The following WASF2 variants were observed in gnomAD, a reference collection of about 807,000 sequenced individuals.
The protein encoded by WASF2 is actin-binding protein WASF2.
A neutral mutation model predicts 45.0 loss-of-function variants in WASF2; 14 were observed. That is an observed-to-expected ratio of 0.31 (90% confidence interval 0.21 to 0.49). The LOEUF is 0.49. Ranked by LOEUF, WASF2 falls within the 20% of genes least tolerant of loss-of-function variation. The pLI is 0.99. For missense variants in WASF2, 439 were observed against 636.1 expected, an observed-to-expected ratio of 0.69 and a Z score of 3.33; for synonymous variants, 200 against 236.3, an observed-to-expected ratio of 0.85 and a Z score of 1.41.
intron 1 of WASF2, among the ~76,000 whole-genome samples, chr1:27,445,402 G>A (rs549997041): frequency 9.5e-4 from 144 of 152,138 alleles, no homozygotes; most frequent in Non-Finnish European, 1.6e-3. Context: ...CTGACTCTAT[G>A]CAAAACACCC....
intron 4 of WASF2, among the ~76,000 whole-genome samples, chr1:27,416,739 G>GT (rs1557597523): frequency 6.6e-6 from 1 of 152,194 alleles, no homozygotes. Flanking sequence ...GCCAGCTGTT[G>GT]TAAGACCACA....
At chr1:27,436,876 C>T (rs144764214) in intron 1 of WASF2, among the ~76,000 whole-genome samples, 19 of 152,278 alleles carry the variant, frequency 1.2e-4, no homozygotes, top group African/African-American at 4.3e-4. Flanking sequence ...AGAAAAAGGG[C>T]TTACTTGTGA....
chr1:27,445,713 C>A (rs1002712515), intron 1 of WASF2, among the ~76,000 whole-genome samples: 1 of 152,164 alleles, frequency 6.6e-6, no homozygotes, highest in Non-Finnish European at 1.5e-5. Context: ...TTTTCAAACT[C>A]CTGTTTTCAA....
intron 1 of WASF2, among the ~76,000 whole-genome samples, chr1:27,458,519 C>CG (rs1371657220): frequency 1.3e-5 from 2 of 151,910 alleles, no homozygotes; most frequent in Non-Finnish European, 2.9e-5. Context: ...AAAATTAGGT[C>CG]GGGGGCAGTG....
Position 27,428,698 on chromosome 1 carries a change from G to A in WASF2, c.130+63C>T, listed in dbSNP as rs946853276. 5.2e-5 allele frequency: 84 copies of A among 1,610,568 alleles called. 1 individual carries two copies. Among genetic ancestry groups the A allele is most frequent in the Non-Finnish European group, 6.8e-5 (80 of 1,177,322 alleles). The stretch of plus-strand genomic sequence containing the variant: ...AGAAATAGGAACGCGGGAGGAGAAG[G>A]AAACTAAATAAAGAGCACCAACGAC... On this transcript the variant is annotated intron_variant, in intron 2 of 8. Transcript: ENST00000618852.
At chr1:27,478,035 T>C (rs2017793196) in intron 1 of WASF2, among the ~76,000 whole-genome samples, 1 of 151,368 alleles carries the variant, frequency 6.6e-6, no homozygotes, top group Non-Finnish European at 1.5e-5. Flanking sequence ...GTGGATCACT[T>C]GAAACCAGGA....
At position 27,440,800 on chromosome 1, in the gene WASF2, TAAC is replaced by T. The variant is rs1203955194; in HGVS notation, c.-43-11870_-43-11868del. ...TACAAGAGAATAGTTATGTACCACA[TAAC>T]AACATTTCAGTCAATGATGGACTAT... is the stretch of plus-strand genomic sequence containing the variant. On this transcript the variant is annotated intron_variant, in intron 1 of 8. Transcript: ENST00000618852. 2.0e-5 allele frequency among the ~76,000 whole-genome samples: 3 copies of T among 152,050 alleles called. No individual in the cohort carries two copies. The East Asian group carries it at 5.8e-4, about 29-fold the overall frequency.
rs1015482477 is a variant in WASF2 at position 27,416,097 on chromosome 1, T to C, written c.425A>G (p.Asp142Gly). Residue 142 changes from aspartate (D) to glycine (G), a missense_variant, in exon 5 of 9, where the codon GAT (aspartate) becomes GGT (glycine). Physicochemically the swap from Asp to Gly is moderately conservative, Grantham distance 94. This residue lies in a region of WASF2 where 98 missense variants were observed against 120.7 expected (regional missense o/e 0.81). Transcript: ENST00000618852. ...GTAGAATTTGAGTGCCTCTTTTCCA[T>C]CGTCCCTGGGATAGAAATGAAGACA... ...PLNNLTPYRD[D>G]GKEALKFYTD... The C allele has an allele frequency of 1.2e-6, 2 of 1,613,820 alleles. No individual in the cohort carries two copies. The highest frequency in any genetic ancestry group is 1.7e-6 in the Non-Finnish European group (2 of 1,179,732).
At chr1:27,447,384 T>G (rs191891349) in intron 1 of WASF2, among the ~76,000 whole-genome samples, 1 of 152,308 alleles carries the variant, frequency 6.6e-6, no homozygotes, top group East Asian at 1.9e-4. Flanking sequence ...GAAATAGATT[T>G]TTCCCGTTCA....
chr1:27,435,215 G>A (rs764367180), intron 1 of WASF2, among the ~76,000 whole-genome samples: 7 of 152,070 alleles, frequency 4.6e-5, no homozygotes, highest in Non-Finnish European at 1.0e-4. Flanking sequence ...CAAAGTGTTG[G>A]GATTACGGGC....
At position 27,409,710 on chromosome 1, in the gene WASF2, G is replaced by T; in HGVS notation, c.1321C>A (p.Leu441Ile). The T allele has an allele frequency of 6.7e-7, 1 of 1,501,232 alleles. No homozygotes were observed. Among genetic ancestry groups the T allele is most frequent in the Non-Finnish European group, 8.9e-7 (1 of 1,125,046 alleles). 93.0% of individuals were successfully genotyped at this position (1,501,232 alleles called of 1,614,324 possible). ...AATTTACCTTGACGGATGGCTGAAAGCAGGTCGCTACGGGCATCGCTCACG... is the reference window on the plus strand; with the variant it reads ...AATTTACCTTGACGGATGGCTGAAATCAGGTCGCTACGGGCATCGCTCACG... ...PAVSDARSDL[L>I]SAIRQGFQLR... The change falls in exon 8 of 9, where the codon CTT becomes ATT. Residue 441 changes from leucine to isoleucine, a missense_variant. This residue lies in a region of WASF2 where 286 missense variants were observed against 373.5 expected (regional missense o/e 0.77). Coordinates refer to ENST00000618852, the MANE Select transcript of WASF2 (RefSeq NM_006990.5).
chr1:27,462,886 C>A (rs1012196016), intron 1 of WASF2, among the ~76,000 whole-genome samples: 1 of 151,962 alleles, frequency 6.6e-6, no homozygotes, highest in Admixed American at 6.6e-5. Context: ...ATGGTGCGAT[C>A]TAGACTCACG....
At chr1:27,452,624 C>T (rs1284734362) in intron 1 of WASF2, among the ~76,000 whole-genome samples, 2 of 150,128 alleles carry the variant, frequency 1.3e-5, no homozygotes, top group African/African-American at 2.5e-5. Flanking sequence ...CGAGACCAGC[C>T]TGGCCAACAT....
At position 27,455,038 on chromosome 1, in the gene WASF2, T is replaced by C. The variant is rs534418177; in HGVS notation, c.-43-26105A>G. Among the ~76,000 whole-genome samples, 74 of 152,216 alleles carry C rather than the reference T, an allele frequency of 4.9e-4. 1 individual carries two copies. Among genetic ancestry groups the C allele is most frequent in the African/African-American group, 1.7e-3 (72 of 41,536 alleles). The stretch of plus-strand genomic sequence containing the variant: ...ATGTACATCTTTAATTATGAGACAA[T>C]ACCAAATTGTTTTTCCAAAATGGTT... On this transcript the variant is annotated intron_variant, in intron 1 of 8. Transcript: ENST00000618852.
intron 1 of WASF2, among the ~76,000 whole-genome samples, chr1:27,434,703 G>A (rs1398910957): frequency 6.6e-6 from 1 of 152,152 alleles, no homozygotes; most frequent in East Asian, 1.9e-4. Context: ...ACCAGCTCCA[G>A]ACATCCAGGC....
chr1:27,469,472 C>T (rs904691979), intron 1 of WASF2, among the ~76,000 whole-genome samples: 4 of 152,084 alleles, frequency 2.6e-5, no homozygotes, highest in African/African-American at 4.8e-5. Flanking sequence ...TAGTGTACCG[C>T]CTCCAGGACA....
Position 27,412,856 on chromosome 1 carries a change from C to T in WASF2, c.669-129G>A, listed in dbSNP as rs1391247756. ...GGAGAAGTAAAATAGGTATATTTCCCACATATTTTCTGTTACACTGAAATT... is the reference window on the plus strand; with the variant it reads ...GGAGAAGTAAAATAGGTATATTTCCTACATATTTTCTGTTACACTGAAATT... On this transcript the variant is annotated intron_variant, in intron 6 of 8. Transcript: ENST00000618852. 3 of 1,022,372 alleles carry T rather than the reference C, an allele frequency of 2.9e-6. No homozygotes were observed. The East Asian group carries it at 7.7e-5, about 26-fold the overall frequency. 63.3% of individuals were successfully genotyped at this position (1,022,372 alleles called of 1,614,324 possible).
At position 27,404,900 on chromosome 1, in the gene WASF2, G is replaced by T. The variant is rs1452637612; in HGVS notation, c.*3289C>A. ...CAGTTGGACCCCAGCAGGGCTCAAA[G>T]CCTGATGCCTCCAGGAAGCCTGACA... On this transcript the variant is annotated 3_prime_UTR_variant, in exon 9 of 9. Coordinates refer to ENST00000618852, the MANE Select transcript of WASF2 (RefSeq NM_006990.5). The T allele has an allele frequency of 6.6e-6, 1 of 152,392 alleles. No individual in the cohort carries two copies. Among genetic ancestry groups the T allele is most frequent in the Non-Finnish European group, 1.5e-5 (1 of 68,120 alleles). The allele number at this position is 152,392 out of a possible 1,614,324, so 9.4% of individuals were successfully genotyped here. A position where few individuals can be genotyped will look rare whatever the true frequency, so the allele number is the denominator to read the frequency against.
At chr1:27,448,538 TTATC>T (rs1335405983) in intron 1 of WASF2, among the ~76,000 whole-genome samples, 2 of 152,138 alleles carry the variant, frequency 1.3e-5, no homozygotes, top group Non-Finnish European at 2.9e-5. Context: ...ACAATCCAGT[TTATC>T]TAGGAAAGTA....
Sources: gnomAD v4.1 joint callset for allele counts (sites outside exome capture counted in the v4.1 genomes callset) on GRCh38, gnomAD v4.1.1 for gene constraint, gnomAD v4.1.1 regional missense constraint, MANE v1.5 for transcripts, NCBI Gene and HGNC (gene_info 2026-07-23, HGNC 2026-07-21) for gene names.